NEFL: variants seen among roughly 807,000 people sequenced by gnomAD.
NEFL encodes the protein neurofilament light chain, also known as neurofilament light polypeptide.
In NEFL, 36 loss-of-function variants were observed where a neutral mutation model predicts 51.6. The observed-to-expected ratio is 0.70, with a 90% CI of 0.53 to 0.92. NEFL has a LOEUF of 0.92. Among genes scored for constraint, NEFL ranks in the 40% least tolerant of loss-of-function variants. The probability of loss-of-function intolerance (pLI) is 0.00; values close to 1 mark genes in which losing one functional copy is unlikely to be tolerated. For missense variants in NEFL, 671 were observed against 722.0 expected (o/e 0.93, Z 0.81); for synonymous variants, 332 against 302.5 (o/e 1.10, Z -1.01).
chr8:24,953,007 A>G, intron 3 of NEFL, 55 bp from the exon 4 acceptor site: 2 of 1,541,000 alleles, frequency 1.3e-6, no homozygotes, highest in South Asian at 2.5e-5. Context: ...GTCCAGTCAA[A>G]ACATGTCTGC....
chr8:24,954,225 G>A lies in NEFL; in HGVS notation c.1125C>T (p.Leu375=). The part of the protein sequence containing the change: ...MARYLKEYQD[L]LNVKMALDIE... The stretch of plus-strand genomic sequence containing the variant: ...TATCCAAAGCCATCTTCACGTTGAG[G>A]AGGTCTTGGTATTCTTTTAGGTATC... The change falls in exon 2 of 4, where the codon CTC becomes CTT. Residue 375 remains leucine, a synonymous_variant. Coordinates refer to ENST00000610854, the MANE Select transcript of NEFL (RefSeq NM_006158.5). 1 of 1,613,860 alleles carries A rather than the reference G, an allele frequency of 6.2e-7. No individual in the cohort carries two copies. Among genetic ancestry groups the A allele is most frequent in the Non-Finnish European group, 8.5e-7 (1 of 1,179,858 alleles).
At position 24,953,753 on chromosome 8, in the gene NEFL, G is replaced by A. The variant is rs60547413; in HGVS notation, c.1212C>T (p.Ser404=). The A allele has an allele frequency of 1.7e-4, 278 of 1,613,644 alleles. 2 individuals are homozygous for A. In the South Asian group the frequency reaches 1.7e-3, roughly 10 times the overall value. Residue 404 remains serine, a synonymous_variant, in exon 3 of 4, where the codon AGC becomes AGT. Transcript: ENST00000610854. The part of the protein sequence containing the change: ...EGEETRLSFT[S]VGSITSGYSQ... The stretch of plus-strand genomic sequence containing the variant: ...AGTAGCCACTGGTTATGCTTCCCAC[G>A]CTGGTGAAACTGAGTCGGGTCTCCT...
At position 24,952,750 on chromosome 8, in the gene NEFL, G is replaced by GT; in HGVS notation, c.*59dup. ...TGGAACTCAACTGGTTGGTTGGTTGGTGATGGGGTTGACCTGATTTCGGGA... is the reference window on the plus strand; with the variant it reads ...TGGAACTCAACTGGTTGGTTGGTTGGTTGATGGGGTTGACCTGATTTCGGGA... On this transcript the variant is annotated 3_prime_UTR_variant, in exon 4 of 4. Transcript: ENST00000610854. 6.2e-7 allele frequency: 1 copy of GT among 1,612,312 alleles called. No homozygotes were observed. Among genetic ancestry groups the GT allele is most frequent in the South Asian group, 1.1e-5 (1 of 90,844 alleles).
rs182007494 is a variant in NEFL, at chr8:24,951,960, G to A, written c.*850C>T. The A allele has an allele frequency of 3.3e-4, 51 of 152,386 alleles. No individual in the cohort carries two copies. Among genetic ancestry groups the A allele is most frequent in the African/African-American group, 1.2e-3 (50 of 41,536 alleles). 9.4% of individuals were successfully genotyped at this position (152,386 alleles called of 1,614,324 possible). ...ATCCATATTGCATTGTGACATATCA[G>A]TTTGAAATGACCTATTTATCATGGT... On this transcript the variant is annotated 3_prime_UTR_variant, in exon 4 of 4. Coordinates refer to ENST00000610854, the MANE Select transcript of NEFL (RefSeq NM_006158.5).
chr8:24,953,470 T>C lies in NEFL; in HGVS notation c.1489+6A>G. 6.4e-7 allele frequency: 1 copy of C among 1,557,026 alleles called. No homozygotes were observed. Among genetic ancestry groups the C allele is most frequent in the Non-Finnish European group, 8.7e-7 (1 of 1,150,962 alleles). Reference sequence around the variant, plus strand: ...TTGAAGTTGCAGGGGTTTTTTCTTATCATACCTTCTTCCTCTTCAGCTGCC... The same window carrying C: ...TTGAAGTTGCAGGGGTTTTTTCTTACCATACCTTCTTCCTCTTCAGCTGCC... On this transcript the variant is annotated splice_donor_region_variant and intron_variant, in intron 3 of 3. Transcript: ENST00000610854.
In NEFL at chr8:24,952,128, GTTAT is replaced by G. The variant is rs1283740000; in HGVS notation, c.*678_*681del. On this transcript the variant is annotated 3_prime_UTR_variant, in exon 4 of 4. Coordinates refer to ENST00000610854, the MANE Select transcript of NEFL (RefSeq NM_006158.5). ...CACGTGTTATGAGGCAAAGTCTATT[GTTAT>G]TTATAGACTTTCTCATTTACTCATG... 1 of 152,442 alleles carries G rather than the reference GTTAT, an allele frequency of 6.6e-6. No homozygotes were observed. Among genetic ancestry groups the G allele is most frequent in the Non-Finnish European group, 1.5e-5 (1 of 68,014 alleles). 9.4% of individuals were successfully genotyped at this position (152,442 alleles called of 1,614,324 possible). A position where few individuals can be genotyped will look rare whatever the true frequency, so the allele number is the denominator to read the frequency against.
In NEFL at chr8:24,956,581, A is replaced by G; in HGVS notation, c.-66T>C. ...AGCCCGGAGAGAGAGGACAGGGGAG[A>G]GAGGGAAGGGGGAGGATGGATGGCT... On this transcript the variant is annotated 5_prime_UTR_variant, in exon 1 of 4. Coordinates refer to ENST00000610854, the MANE Select transcript of NEFL (RefSeq NM_006158.5). This position sits in a 1 kb window ranked among gnomAD's most constrained non-coding sequence, Gnocchi z 5.9. 1 of 1,447,312 alleles carries G rather than the reference A, an allele frequency of 6.9e-7. No individual in the cohort carries two copies. Among genetic ancestry groups the G allele is most frequent in the South Asian group, 1.2e-5 (1 of 81,942 alleles). The allele number at this position is 1,447,312 out of a possible 1,614,324, so 89.7% of individuals were successfully genotyped here.
intron 3 of NEFL, among the ~76,000 whole-genome samples, 153 bp downstream of exon 3, chr8:24,953,323 T>C (rs535946389): frequency 6.6e-6 from 1 of 152,334 alleles, no homozygotes; most frequent in Admixed American, 6.5e-5. Context: ...GTAGATGCCT[T>C]AGGAAAGTTT....
At position 24,956,597 on chromosome 8, in the gene NEFL, A is replaced by C; in HGVS notation, c.-82T>G. On this transcript the variant is annotated 5_prime_UTR_variant, in exon 1 of 4. Coordinates refer to ENST00000610854, the MANE Select transcript of NEFL (RefSeq NM_006158.5). The surrounding 1 kb of genome is among the most constrained non-coding windows in gnomAD (Gnocchi z 5.9). Reference sequence around the variant, plus strand: ...ACAGGGGAGAGAGGGAAGGGGGAGGATGGATGGCTGTGTGCGGCTCGGCGC... The same window carrying C: ...ACAGGGGAGAGAGGGAAGGGGGAGGCTGGATGGCTGTGTGCGGCTCGGCGC... 2 of 1,330,782 alleles carry C rather than the reference A, an allele frequency of 1.5e-6. No homozygotes were observed. The highest frequency in any genetic ancestry group is 2.1e-6 in the Non-Finnish European group (2 of 948,790). The allele number at this position is 1,330,782 out of a possible 1,614,324, so 82.4% of individuals were successfully genotyped here.
chr8:24,953,677 T>C lies in NEFL; in HGVS notation c.1288A>G (p.Ser430Gly). ...GAGCGGGTGGACATCAGATAGGAGC[T>C]GGTCTGTAAACCGCCGTAGGCAGAT... ...GRSAYGGLQT[S>G]SYLMSTRSFP... is the part of the protein sequence containing the mutation. The change falls in exon 3 of 4, where the codon AGC becomes GGC. Residue 430 changes from serine (S) to glycine (G), a missense_variant. By Grantham distance (56) the Ser-to-Gly change is moderately conservative. Transcript: ENST00000610854. 6.2e-7 allele frequency: 1 copy of C among 1,613,992 alleles called. No individual in the cohort carries two copies. Among genetic ancestry groups the C allele is most frequent in the South Asian group, 1.1e-5 (1 of 91,076 alleles).
intron 1 of NEFL, among the ~76,000 whole-genome samples, chr8:24,954,647 T>C (rs1476729119): frequency 6.6e-6 from 1 of 152,182 alleles, no homozygotes; most frequent in Non-Finnish European, 1.5e-5. Flanking sequence ...TTTAGCTGGG[T>C]TACATGCCAG....
rs748796725 is a variant in NEFL at position 24,956,213 on chromosome 8, G to A, written c.303C>T (p.Phe101=). The stretch of plus-strand genomic sequence containing the variant: ...CGTGCACGCGCTCGATGAAGCTGGC[G>A]AAGCGGTCATTGAGGTCCTGGAGCT... The part of the protein sequence containing the change: ...KAQLQDLNDR[F]ASFIERVHEL... The change falls in exon 1 of 4, where the codon TTC becomes TTT. Residue 101 remains phenylalanine (F), a synonymous_variant. Coordinates refer to ENST00000610854, the MANE Select transcript of NEFL (RefSeq NM_006158.5). This position sits in a 1 kb window ranked among gnomAD's most constrained non-coding sequence, Gnocchi z 5.9. 18 of 1,611,138 alleles carry A rather than the reference G, an allele frequency of 1.1e-5. No individual in the cohort carries two copies. The South Asian group carries it at 1.5e-4, about 14-fold the overall frequency.
At position 24,956,531 on chromosome 8, in the gene NEFL, C is replaced by T; in HGVS notation, c.-16G>A. 1.9e-6 allele frequency: 3 copies of T among 1,574,774 alleles called. No individual in the cohort carries two copies. The highest frequency in any genetic ancestry group is 2.6e-6 in the Non-Finnish European group (3 of 1,162,002). ...AGGAACTCATGGTGGCGGCCGGTGG[C>T]TCCCCGGCCCGCGGCGGCGGTGGGA... On this transcript the variant is annotated 5_prime_UTR_variant, in exon 1 of 4. Coordinates refer to ENST00000610854, the MANE Select transcript of NEFL (RefSeq NM_006158.5). This position sits in a 1 kb window ranked among gnomAD's most constrained non-coding sequence, Gnocchi z 5.9.
chr8:24,956,607 G>A lies in NEFL; in HGVS notation c.-92C>T. 3 of 1,257,372 alleles carry A rather than the reference G, an allele frequency of 2.4e-6. No homozygotes were observed. Among genetic ancestry groups the A allele is most frequent in the Non-Finnish European group, 3.4e-6 (3 of 882,852 alleles). 77.9% of individuals were successfully genotyped at this position (1,257,372 alleles called of 1,614,324 possible). A position where few individuals can be genotyped will look rare whatever the true frequency, so the allele number is the denominator to read the frequency against. On this transcript the variant is annotated 5_prime_UTR_variant, in exon 1 of 4. Coordinates refer to ENST00000610854, the MANE Select transcript of NEFL (RefSeq NM_006158.5). The surrounding 1 kb of genome is among the most constrained non-coding windows in gnomAD (Gnocchi z 5.9). ...GAGGGAAGGGGGAGGATGGATGGCT[G>A]TGTGCGGCTCGGCGCCGTTCTGCCA...
In NEFL at chr8:24,952,579, T is replaced by C. The variant is rs535083917; in HGVS notation, c.*231A>G. The C allele has an allele frequency of 5.4e-5, 32 of 595,322 alleles. No homozygotes were observed. The highest frequency in any genetic ancestry group is 3.4e-4 in the Admixed American group (11 of 32,046). The allele number at this position is 595,322 out of a possible 1,614,324, so 36.9% of individuals were successfully genotyped here. A position where few individuals can be genotyped will look rare whatever the true frequency, so the allele number is the denominator to read the frequency against. ...ATCCTGAACTCATAAGCGTGGTCCA[T>C]GCACAGGCTGGCAGCAAGCCAGAAA... On this transcript the variant is annotated 3_prime_UTR_variant, in exon 4 of 4. Coordinates refer to ENST00000610854, the MANE Select transcript of NEFL (RefSeq NM_006158.5).
Position 24,951,831 on chromosome 8 carries a change from T to G in NEFL, c.*979A>C, listed in dbSNP as rs1802973217. 6.6e-6 allele frequency: 1 copy of G among 152,622 alleles called. No homozygotes were observed. The highest frequency in any genetic ancestry group is 2.4e-5 in the African/African-American group (1 of 41,446). 9.5% of individuals were successfully genotyped at this position (152,622 alleles called of 1,614,324 possible). On this transcript the variant is annotated 3_prime_UTR_variant, in exon 4 of 4. Coordinates refer to ENST00000610854, the MANE Select transcript of NEFL (RefSeq NM_006158.5). ...AAATTATATATAGATAAAAAATTATTCCTTCTTATTGTACCATGTTCTCAG... is the reference window on the plus strand; with the variant it reads ...AAATTATATATAGATAAAAAATTATGCCTTCTTATTGTACCATGTTCTCAG...
chr8:24,952,883 GT>G lies in NEFL; in HGVS notation c.1558del (p.Thr520ProfsTer30). The G allele has an allele frequency of 6.2e-7, 1 of 1,609,098 alleles. No individual in the cohort carries two copies. Among genetic ancestry groups the G allele is most frequent in the Non-Finnish European group, 8.5e-7 (1 of 1,175,772 alleles). ...EGGEGEEGEE[T>X]KEAEEEEKKV... ...CTTCTCCTCCTCTTCAGCTTCTTTG[GT>G]TTCCTCTCCTTCTTCACCTTCACCT... is the stretch of plus-strand genomic sequence containing the variant. On this transcript the variant is annotated frameshift_variant, in exon 4 of 4. Transcript: ENST00000610854. LOFTEE classifies it high-confidence loss of function.
Position 24,956,387 on chromosome 8 carries a change from G to GTCC in NEFL, c.128_129insGGA (p.Tyr43delinsTer). On this transcript the variant is annotated stop_gained, in exon 1 of 4. Coordinates refer to ENST00000610854, the MANE Select transcript of NEFL (RefSeq NM_006158.5). LOFTEE classifies it high-confidence loss of function. This position sits in a 1 kb window ranked among gnomAD's most constrained non-coding sequence, Gnocchi z 5.9. Reference sequence around the variant, plus strand: ...ACAGCGAGGAAGACACCGGCGCCGAGTAGCTGGAGTAAGCTGAGCGTGCGG... The same window carrying GTCC: ...ACAGCGAGGAAGACACCGGCGCCGAGTCCTAGCTGGAGTAAGCTGAGCGTGCGG... 1 of 1,604,906 alleles carries GTCC rather than the reference G, an allele frequency of 6.2e-7. No homozygotes were observed. The highest frequency in any genetic ancestry group is 8.5e-7 in the Non-Finnish European group (1 of 1,176,282).
chr8:24,953,226 A>G (rs1191985196), intron 3 of NEFL, among the ~76,000 whole-genome samples: 2 of 152,178 alleles, frequency 1.3e-5, no homozygotes, highest in African/African-American at 4.8e-5. Flanking sequence ...TGTGTCTGGT[A>G]TCTATTTTTG....
Sources: gnomAD v4.1 joint callset for allele counts (sites outside exome capture counted in the v4.1 genomes callset) on GRCh38, gnomAD v4.1.1 for gene constraint, Gnocchi (gnomAD v3.1) non-coding constraint, MANE v1.5 for transcripts, NCBI Gene and HGNC (gene_info 2026-07-23, HGNC 2026-07-21) for gene names.